CHD1: variants seen among roughly 807,000 people sequenced by gnomAD.
The protein encoded by CHD1 is chromodomain helicase DNA binding protein 1.
A neutral mutation model predicts 224.2 loss-of-function variants in CHD1; 36 were observed. The observed-to-expected ratio is 0.16, with a 90% CI of 0.12 to 0.21. The LOEUF (loss-of-function observed/expected upper bound fraction) is 0.21. Ranked by LOEUF, CHD1 falls within the 10% of genes least tolerant of loss-of-function variation. CHD1 has a pLI of 1.00. For synonymous variants in CHD1, 668 were observed against 658.3 expected, an observed-to-expected ratio of 1.01 and a Z score of -0.23; for missense variants, 1,378 against 1,994.8, an observed-to-expected ratio of 0.69 and a Z score of 5.89.
intron 31 of CHD1, among the ~76,000 whole-genome samples, chr5:98,867,169 G>C (rs1748938224): frequency 6.6e-6 from 1 of 151,934 alleles, no homozygotes; most frequent in Non-Finnish European, 1.5e-5. Flanking sequence ...CATACATTGA[G>C]TAAATTATAA....
intron 9 of CHD1, 103 bp from the exon 10 acceptor site, chr5:98,898,537 C>A: frequency 8.0e-7 from 1 of 1,244,748 alleles, no homozygotes; most frequent in South Asian, 1.7e-5. Flanking sequence ...ATTTAGCTAT[C>A]TAGTTTACAA....
chr5:98,868,773 T>A (rs1749097313), intron 30 of CHD1, 138 bp from the exon 31 acceptor site: 1 of 875,760 alleles, frequency 1.1e-6, no homozygotes. Context: ...TCATCTATTT[T>A]AATTTGTTTT....
At chr5:98,906,399 C>A (rs1469809151) in intron 2 of CHD1, among the ~76,000 whole-genome samples, 1 of 152,124 alleles carries the variant, frequency 6.6e-6, no homozygotes. Flanking sequence ...TACTTGCATA[C>A]CTTGCGAGAA....
chr5:98,880,129 G>A (rs1196561586), intron 22 of CHD1, among the ~76,000 whole-genome samples: 3 of 152,184 alleles, frequency 2.0e-5, no homozygotes, highest in Non-Finnish European at 4.4e-5. Flanking sequence ...TATCTAAAGA[G>A]CTACTGGCAG....
rs1750170520 is a variant in CHD1, at chr5:98,881,351, C to T, written c.2892G>A (p.Glu964=). The T allele has an allele frequency of 2.0e-6, 3 of 1,484,912 alleles. No homozygotes were observed. In the African/African-American group the frequency reaches 4.3e-5, roughly 21 times the overall value. 92.0% of individuals were successfully genotyped at this position (1,484,912 alleles called of 1,614,324 possible). The change falls in exon 21 of 36, where the codon GAG becomes GAA. Residue 964 remains glutamate (E), a synonymous_variant. Transcript: ENST00000614616. ...CACCAAACTTTAAAATGGCTGATAACTCTTCTTTATTGAAAGGAGTAGAAC... is the reference window on the plus strand; with the variant it reads ...CACCAAACTTTAAAATGGCTGATAATTCTTCTTTATTGAAAGGAGTAGAAC... ...PSSSTPFNKE[E]LSAILKFGAE... is the part of the protein sequence containing the mutation.
chr5:98,893,589 T>G lies in CHD1; in HGVS notation c.1818A>C (p.Leu606=), dbSNP rs1310459681. The change falls in exon 14 of 36, where the codon CTA becomes CTC. Residue 606 remains leucine, a synonymous_variant. Coordinates refer to ENST00000614616, the MANE Select transcript of CHD1 (RefSeq NM_001270.4). The part of the protein sequence containing the change: ...LLKDKAFLGG[L]NWAFIGVDEA... ...CATCAACACCTATAAATGCCCAATTTAGACCTCCAAGGAATGCCTTAAAAT... is the reference window on the plus strand; with the variant it reads ...CATCAACACCTATAAATGCCCAATTGAGACCTCCAAGGAATGCCTTAAAAT... 1 of 1,597,990 alleles carries G rather than the reference T, an allele frequency of 6.3e-7. No individual in the cohort carries two copies. The highest frequency in any genetic ancestry group is 2.3e-5 in the East Asian group (1 of 43,890).
chr5:98,856,664 A>ACCTGTGATCTCTACT lies in CHD1; in HGVS notation c.4834_4848dup (p.Arg1613_Ser1617dup). The ACCTGTGATCTCTACT allele has an allele frequency of 6.2e-7, 1 of 1,613,660 alleles. No homozygotes were observed. Among genetic ancestry groups the ACCTGTGATCTCTACT allele is most frequent in the South Asian group, 1.1e-5 (1 of 91,064 alleles). On this transcript the variant is annotated inframe_insertion, in exon 36 of 36. Coordinates refer to ENST00000614616, the MANE Select transcript of CHD1 (RefSeq NM_001270.4). ...TCTTTTAAACTTCCTTCCAAATTTG[A>ACCTGTGATCTCTACT]CCTGTGATCTCTACTCCTGTGATCA...
chr5:98,856,614 A>C lies in CHD1; in HGVS notation c.4899T>G (p.Ser1633=). The change falls in exon 36 of 36, where the codon TCT becomes TCG. Residue 1633 remains serine, a synonymous_variant. Transcript: ENST00000614616. ...LKDRSHSDHR[S]HSDHRLHSDH... The stretch of plus-strand genomic sequence containing the variant: ...CTGAATGTAACCGATGATCTGAGTG[A>C]GAACGATGATCAGAATGAGATCTAT... 6.2e-7 allele frequency: 1 copy of C among 1,613,290 alleles called. No individual in the cohort carries two copies. The highest frequency in any genetic ancestry group is 8.5e-7 in the Non-Finnish European group (1 of 1,179,254).
chr5:98,874,937 C>A, intron 25 of CHD1, 135 bp downstream of exon 25: 1 of 583,830 alleles, frequency 1.7e-6, no homozygotes, highest in Non-Finnish European at 3.1e-6. Context: ...TGAAATTTCC[C>A]TTGTACATTA....
intron 20 of CHD1, 51 bp downstream of exon 20, chr5:98,881,924 T>C: frequency 1.3e-6 from 2 of 1,498,070 alleles, no homozygotes; most frequent in Non-Finnish European, 1.8e-6. Context: ...ATATCAAAAA[T>C]ATGAGTTTAC....
chr5:98,922,121 C>T (rs1753137139), intron 2 of CHD1, among the ~76,000 whole-genome samples: 1 of 152,108 alleles, frequency 6.6e-6, no homozygotes, highest in Non-Finnish European at 1.5e-5. Flanking sequence ...TACTGCACTC[C>T]AGCCTGGGCA....
rs781278275 is a variant in CHD1, at chr5:98,858,173, A to G, written c.4787+7T>C. Reference sequence around the variant, plus strand: ...AGCAAAATTTCTAAAGTGACTGCCAAGTTTACCTGCTGTCTTGCTTGTAGT... The same window carrying G: ...AGCAAAATTTCTAAAGTGACTGCCAGGTTTACCTGCTGTCTTGCTTGTAGT... On this transcript the variant is annotated splice_region_variant and intron_variant, in intron 35 of 35. Coordinates refer to ENST00000614616, the MANE Select transcript of CHD1 (RefSeq NM_001270.4). 1.2e-6 allele frequency: 2 copies of G among 1,610,548 alleles called. No individual in the cohort carries two copies. Among genetic ancestry groups the G allele is most frequent in the Non-Finnish European group, 1.7e-6 (2 of 1,177,668 alleles).
At chr5:98,877,668 T>C (rs1192802520) in intron 23 of CHD1, among the ~76,000 whole-genome samples, 1 of 152,214 alleles carries the variant, frequency 6.6e-6, no homozygotes, top group Non-Finnish European at 1.5e-5. Context: ...AAATGGTATT[T>C]AGACCTTTTT....
intron 4 of CHD1, among the ~76,000 whole-genome samples, chr5:98,903,292 T>C (rs1751841392): frequency 6.6e-6 from 1 of 152,276 alleles, no homozygotes; most frequent in East Asian, 1.9e-4. Flanking sequence ...TTGAATTTTT[T>C]CTTCACCATT....
At position 98,856,334 on chromosome 5, in the gene CHD1, T is replaced by C. The variant is rs906634914; in HGVS notation, c.*46A>G. 5 of 1,420,414 alleles carry C rather than the reference T, an allele frequency of 3.5e-6. No individual in the cohort carries two copies. The highest frequency in any genetic ancestry group is 1.4e-5 in the African/African-American group (1 of 70,496). 88.0% of individuals were successfully genotyped at this position (1,420,414 alleles called of 1,614,324 possible). On this transcript the variant is annotated 3_prime_UTR_variant, in exon 36 of 36. Transcript: ENST00000614616. Reference sequence around the variant, plus strand: ...AGGCAATTACTGTGTTGGTTTATGATATATGGCTAAAAGAAAAGTCCAGAA... The same window carrying C: ...AGGCAATTACTGTGTTGGTTTATGACATATGGCTAAAAGAAAAGTCCAGAA...
chr5:98,912,018 T>C (rs1444847511), intron 2 of CHD1, among the ~76,000 whole-genome samples: 1 of 152,166 alleles, frequency 6.6e-6, no homozygotes, highest in East Asian at 1.9e-4. Flanking sequence ...ACTTTTTTTA[T>C]TCTAAAATAC....
chr5:98,868,711 A>C, intron 30 of CHD1, 76 bp from the exon 31 acceptor site: 1 of 1,289,126 alleles, frequency 7.8e-7, no homozygotes, highest in Non-Finnish European at 1.1e-6. Context: ...ACTTCCAGAA[A>C]ATAATTACTG....
chr5:98,871,651 GATAA>G (rs1749358685), intron 28 of CHD1, among the ~76,000 whole-genome samples: 1 of 151,938 alleles, frequency 6.6e-6, no homozygotes, highest in Non-Finnish European at 1.5e-5. Context: ...TGTTCCTAAA[GATAA>G]ATATTTAAGG....
Position 98,858,301 on chromosome 5 carries a change from G to T in CHD1, c.4666C>A (p.His1556Asn). The change falls in exon 35 of 36, where the codon CAT becomes AAT. Residue 1556 changes from histidine (H) to asparagine (N), a missense_variant. His to Asn is a moderately conservative substitution (Grantham distance 68, BLOSUM62 1). This residue lies in a region of CHD1 where 278 missense variants were observed against 298.5 expected (regional missense o/e 0.93). Transcript: ENST00000614616. ...SDRHLTQYHD[H>N]HKDRHQGDSY... ...TCTCCCTGATGTCGGTCTTTATGAT[G>T]ATCATGGTACTGAGTTAAGTGTCTA... 6.2e-7 allele frequency: 1 copy of T among 1,612,986 alleles called. No homozygotes were observed. The highest frequency in any genetic ancestry group is 1.1e-5 in the South Asian group (1 of 91,044).
Sources: gnomAD v4.1 joint callset for allele counts (sites outside exome capture counted in the v4.1 genomes callset) on GRCh38, gnomAD v4.1.1 for gene constraint, gnomAD v4.1.1 regional missense constraint, MANE v1.5 for transcripts, NCBI Gene and HGNC (gene_info 2026-07-23, HGNC 2026-07-21) for gene names.